The following COL6A6 variants were observed in gnomAD, a reference collection of about 807,000 sequenced individuals.
COL6A6 encodes the protein collagen alpha-6(VI) chain.
Under a neutral mutation model 208.6 loss-of-function variants are expected in COL6A6, and 183 were observed. The observed-to-expected ratio is 0.88, with a 90% CI of 0.78 to 0.99. COL6A6 has a LOEUF of 0.99. COL6A6 is among the 50% of genes least tolerant of loss of function. COL6A6 has a pLI of 0.00. For synonymous variants in COL6A6, 973 were observed against 1,011.8 expected, an observed-to-expected ratio of 0.96 and a Z score of 0.73; for missense variants, 2,816 against 2,815.2, an observed-to-expected ratio of 1.00 and a Z score of -0.01.
intron 35 of COL6A6, among the ~76,000 whole-genome samples, chr3:130,664,340 C>T (rs760019767): frequency 1.1e-4 from 17 of 152,290 alleles, no homozygotes; most frequent in Admixed American, 5.9e-4. Context: ...TGTTGGGTCA[C>T]GGTCCAGGAC....
At chr3:130,649,727 G>A (rs191777246) in intron 33 of COL6A6, among the ~76,000 whole-genome samples, 165 bp downstream of exon 33, 132 of 152,120 alleles carry the variant, frequency 8.7e-4, no homozygotes, top group African/African-American at 3.1e-3. Flanking sequence ...CTGGGAACAC[G>A]TTAAGCTCTT....
Position 130,661,939 on chromosome 3 carries a change from A to G in COL6A6, c.6133A>G (p.Lys2045Glu). The change falls in exon 35 of 37, where the codon AAG becomes GAG. Residue 2045 changes from lysine to glutamate, a missense_variant. By Grantham distance (56) the Lys-to-Glu change is moderately conservative. Coordinates refer to ENST00000358511, the MANE Select transcript of COL6A6 (RefSeq NM_001102608.3). ...LTTYRSKRLMKRHVHESVKQL... is the reference protein window; with the variant it reads ...LTTYRSKRLMERHVHESVKQL... ...CACCTACAGAAGTAAGCGCCTCATG[A>G]AGAGGCATGTGCACGAGTCAGTTAA... is the stretch of plus-strand genomic sequence containing the variant. The G allele has an allele frequency of 6.2e-7, 1 of 1,614,030 alleles. No homozygotes were observed. The highest frequency in any genetic ancestry group is 8.5e-7 in the Non-Finnish European group (1 of 1,179,888).
At chr3:130,578,901 CT>C (rs1387434870) in intron 8 of COL6A6, among the ~76,000 whole-genome samples, 1 of 152,164 alleles carries the variant, frequency 6.6e-6, no homozygotes, top group Non-Finnish European at 1.5e-5. Context: ...GGTTAGCAGA[CT>C]AAGGATGATG....
chr3:130,596,789 C>T (rs1365079311), intron 18 of COL6A6, among the ~76,000 whole-genome samples: 1 of 151,916 alleles, frequency 6.6e-6, no homozygotes, highest in Non-Finnish European at 1.5e-5. Flanking sequence ...TGCACATGTA[C>T]CCTAAAACTT....
At chr3:130,570,769 G>A (rs2063142911) in intron 6 of COL6A6, 49 bp from the exon 7 acceptor site, 1 of 1,437,054 alleles carries the variant, frequency 7.0e-7, no homozygotes, top group South Asian at 1.3e-5. Context: ...CGTCTCCCAT[G>A]CTGTCCAAAG....
intron 36 of COL6A6, among the ~76,000 whole-genome samples, chr3:130,667,651 A>T (rs2066108132): frequency 6.6e-6 from 1 of 152,212 alleles, no homozygotes; most frequent in Non-Finnish European, 1.5e-5. Flanking sequence ...TTAACAGAAA[A>T]AGTTCTAAGA....
chr3:130,621,549 T>A (rs2064717194), intron 23 of COL6A6, among the ~76,000 whole-genome samples: 1 of 152,216 alleles, frequency 6.6e-6, no homozygotes, highest in Non-Finnish European at 1.5e-5. Flanking sequence ...CAACATCTGT[T>A]CTTAGAGCAA....
intron 35 of COL6A6, among the ~76,000 whole-genome samples, chr3:130,663,883 A>C (rs141777369): frequency 6.6e-6 from 1 of 152,238 alleles, no homozygotes; most frequent in Non-Finnish European, 1.5e-5. Flanking sequence ...TTAAAATGTA[A>C]CTATAAAAGT....
At chr3:130,581,201 A>G (rs982542426) in intron 8 of COL6A6, among the ~76,000 whole-genome samples, 2 of 152,182 alleles carry the variant, frequency 1.3e-5, no homozygotes, top group African/African-American at 2.4e-5. Context: ...AATGACCTCA[A>G]TTGATAAGTA....
At chr3:130,518,014 T>C (rs914292258) in intron 1 of COL6A6, among the ~76,000 whole-genome samples, 1 of 152,078 alleles carries the variant, frequency 6.6e-6, no homozygotes, top group Non-Finnish European at 1.5e-5. Flanking sequence ...GTATCAACCA[T>C]GCAAGTAATT....
intron 1 of COL6A6, among the ~76,000 whole-genome samples, chr3:130,557,677 GAA>G (rs888488804): frequency 1.3e-5 from 2 of 152,174 alleles, no homozygotes; most frequent in Non-Finnish European, 2.9e-5. Context: ...TAATTTTGCT[GAA>G]GTCTCTTTTG....
In COL6A6 at chr3:130,675,604, C is replaced by T. The variant is rs2066340661; in HGVS notation, c.*207C>T. The T allele has an allele frequency of 2.3e-6, 1 of 431,704 alleles. No individual in the cohort carries two copies. Among genetic ancestry groups the T allele is most frequent in the African/African-American group, 2.0e-5 (1 of 50,634 alleles). The allele number at this position is 431,704 out of a possible 1,614,324, so 26.7% of individuals were successfully genotyped here. On this transcript the variant is annotated 3_prime_UTR_variant, in exon 37 of 37. Coordinates refer to ENST00000358511, the MANE Select transcript of COL6A6 (RefSeq NM_001102608.3). ...ACTCTACGACTGATATGTCGAAGAA[C>T]TGTTTCATTAGAAGACAGAAGAATG... is the stretch of plus-strand genomic sequence containing the variant.
At chr3:130,588,896 T>A (rs1440463538) in intron 11 of COL6A6, among the ~76,000 whole-genome samples, 194 bp from the exon 12 acceptor site, 1 of 124,668 alleles carries the variant, frequency 8.0e-6, no homozygotes, top group Non-Finnish European at 1.6e-5. Context: ...AGAGTGCAGA[T>A]GATAGAAGAA....
At chr3:130,549,223 A>G (rs756040678) in intron 1 of COL6A6, among the ~76,000 whole-genome samples, 3 of 152,232 alleles carry the variant, frequency 2.0e-5, no homozygotes, top group Non-Finnish European at 4.4e-5. Context: ...AGGCTAGAGT[A>G]CAGTGGCATG....
At chr3:130,668,675 G>C (rs150854964) in intron 36 of COL6A6, among the ~76,000 whole-genome samples, 133 of 152,232 alleles carry the variant, frequency 8.7e-4, no homozygotes, top group Non-Finnish European at 1.6e-3. Context: ...ACTACATGAT[G>C]ACAAAGTGTT....
intron 11 of COL6A6, among the ~76,000 whole-genome samples, chr3:130,588,375 A>G (rs950288134): frequency 2.0e-5 from 3 of 152,258 alleles, no homozygotes; most frequent in African/African-American, 7.2e-5. Flanking sequence ...TGGTGAGTTA[A>G]TTGTAAAAAT....
At chr3:130,601,854 G>A (rs2064031783) in intron 20 of COL6A6, among the ~76,000 whole-genome samples, 1 of 152,204 alleles carries the variant, frequency 6.6e-6, no homozygotes, top group Non-Finnish European at 1.5e-5. Context: ...CCGGCCAACT[G>A]TTTTTAAATC....
At chr3:130,600,766 G>A (rs1297179176) in intron 20 of COL6A6, among the ~76,000 whole-genome samples, 1 of 152,064 alleles carries the variant, frequency 6.6e-6, no homozygotes, top group Non-Finnish European at 1.5e-5. Context: ...ATGCATGTGG[G>A]GCATAAAACC....
chr3:130,627,591 C>T (rs2108299852), intron 26 of COL6A6, among the ~76,000 whole-genome samples: 1 of 152,288 alleles, frequency 6.6e-6, no homozygotes, highest in East Asian at 1.9e-4. Context: ...AATAAATTTT[C>T]TGTTTTCTGC....
Sources: allele counts gnomAD v4.1 joint callset (sites outside exome capture counted in the v4.1 genomes callset), GRCh38; gene constraint gnomAD v4.1.1; transcripts MANE v1.5; gene names NCBI Gene and HGNC (gene_info 2026-07-23, HGNC 2026-07-21).